The following PSMC5 variants were observed in gnomAD, a reference collection of about 807,000 sequenced individuals.
PSMC5 encodes the protein proteasome 26S subunit, ATPase 5.
PSMC5 carries 11 observed loss-of-function variants against 49.1 expected under a neutral mutation model. The ratio of observed to expected loss-of-function variants is 0.22; its 90% confidence interval spans 0.14 to 0.37. PSMC5 has a LOEUF of 0.37. Among genes scored for constraint, PSMC5 ranks in the 10% least tolerant of loss-of-function variants. The pLI is 1.00. For missense variants in PSMC5, 229 were observed against 520.9 expected (o/e 0.44, Z 5.45); for synonymous variants, 206 against 192.2 (o/e 1.07, Z -0.59).
chr17:63,830,100 G>C lies in PSMC5; in HGVS notation c.265-33G>C. On this transcript the variant is annotated intron_variant, in intron 4 of 11. Transcript: ENST00000310144. This position sits in a 1 kb window ranked among gnomAD's most constrained non-coding sequence, Gnocchi z 4.0. ...GGGTAGGATTAGTGATTTGGTGGCT[G>C]TCAAGGAAGGTCATGAGCCCTTGTT... 6.2e-7 allele frequency: 1 copy of C among 1,606,948 alleles called. No individual in the cohort carries two copies. The highest frequency in any genetic ancestry group is 8.5e-7 in the Non-Finnish European group (1 of 1,176,538).
At position 63,830,391 on chromosome 17, in the gene PSMC5, TATGAG is replaced by T; in HGVS notation, c.447_451del (p.Glu149AspfsTer20). 6.2e-7 allele frequency: 1 copy of T among 1,614,178 alleles called. No homozygotes were observed. Among genetic ancestry groups the T allele is most frequent in the Non-Finnish European group, 8.5e-7 (1 of 1,180,028 alleles). ...GGTGGAGAAAGTACCAGATTCAACT[TATGAG>T]ATGATTGGTGGACTGGACAAACAGA... On this transcript the variant is annotated frameshift_variant, in exon 6 of 12. Transcript: ENST00000310144. LOFTEE classifies it high-confidence loss of function. The surrounding 1 kb of genome is among the most constrained non-coding windows in gnomAD (Gnocchi z 4.0).
At chr17:63,829,347 T>A (rs1403571277) in intron 2 of PSMC5, 147 bp from the exon 3 acceptor site, 1 of 703,252 alleles carries the variant, frequency 1.4e-6, no homozygotes, top group Non-Finnish European at 2.5e-6. Flanking sequence ...GCAGGGTCAT[T>A]AGGATCATAC....
In PSMC5 at chr17:63,831,387, A is replaced by G. The variant is rs2040184016; in HGVS notation, c.931A>G (p.Ile311Val). 1 of 1,613,936 alleles carries G rather than the reference A, an allele frequency of 6.2e-7. No homozygotes were observed. The highest frequency in any genetic ancestry group is 8.5e-7 in the Non-Finnish European group (1 of 1,180,030). ...CTCGGCACTGCTTCGCCCAGGGCGCATTGACAGAAAAATTGAATTCCCACC... is the reference window on the plus strand; with the variant it reads ...CTCGGCACTGCTTCGCCCAGGGCGCGTTGACAGAAAAATTGAATTCCCACC... ...LDSALLRPGR[I>V]DRKIEFPPPN... Residue 311 changes from isoleucine to valine, a missense_variant, in exon 9 of 12, where the codon ATT becomes GTT. Around this residue, in one of 4 missense-constraint regions of PSMC5, gnomAD observed 121 missense variants for 330.6 expected, o/e 0.37. Transcript: ENST00000310144. The surrounding 1 kb of genome is among the most constrained non-coding windows in gnomAD (Gnocchi z 6.3).
At chr17:63,828,008 G>A in intron 1 of PSMC5, 130 bp from the exon 2 acceptor site, 2 of 1,307,604 alleles carry the variant, frequency 1.5e-6, no homozygotes, top group Non-Finnish European at 2.1e-6. Flanking sequence ...CAGATCCTGA[G>A]CCTCCGAAGT....
chr17:63,829,912 T>C lies in PSMC5; in HGVS notation c.227T>C (p.Val76Ala). 6.8e-6 allele frequency: 11 copies of C among 1,612,972 alleles called. No individual in the cohort carries two copies. The highest frequency in any genetic ancestry group is 9.3e-6 in the Non-Finnish European group (11 of 1,179,576). ...LQEQGSYVGE[V>A]VRAMDKKKVL... ...GAGCAGGGCTCCTATGTGGGGGAAGTAGTCCGGGCCATGGATAAGAAGAAA... is the reference window on the plus strand; with the variant it reads ...GAGCAGGGCTCCTATGTGGGGGAAGCAGTCCGGGCCATGGATAAGAAGAAA... Residue 76 changes from valine to alanine, a missense_variant, in exon 4 of 12, where the codon GTA becomes GCA. Physicochemically the swap from Val to Ala is moderately conservative, Grantham distance 64. This residue lies in a region of PSMC5 where 98 missense variants were observed against 144.0 expected (regional missense o/e 0.68). Coordinates refer to ENST00000310144, the MANE Select transcript of PSMC5 (RefSeq NM_002805.6).
rs1224334884 is a variant in PSMC5 at position 63,831,502 on chromosome 17, C to G, written c.970-4C>G. On this transcript the variant is annotated splice_polypyrimidine_tract_variant and splice_region_variant and intron_variant, in intron 9 of 11. Coordinates refer to ENST00000310144, the MANE Select transcript of PSMC5 (RefSeq NM_002805.6). The surrounding 1 kb of genome is among the most constrained non-coding windows in gnomAD (Gnocchi z 6.3). The stretch of plus-strand genomic sequence containing the variant: ...GGGCTCAGGCTTTTCCTTGCCATCT[C>G]CAGGCCCGGCTGGACATTTTGAAGA... 6.2e-7 allele frequency: 1 copy of G among 1,614,024 alleles called. No individual in the cohort carries two copies. Among genetic ancestry groups the G allele is most frequent in the East Asian group, 2.2e-5 (1 of 44,870 alleles).
chr17:63,828,996 T>C (rs1215795541), intron 2 of PSMC5: 1 of 154,130 alleles, frequency 6.5e-6, no homozygotes, highest in African/African-American at 2.4e-5. Context: ...GTTTACCATT[T>C]TTGAATGCTT....
intron 1 of PSMC5, chr17:63,827,756 G>C (rs2040127785): frequency 8.4e-6 from 12 of 1,432,896 alleles, no homozygotes; most frequent in Non-Finnish European, 9.1e-6. Flanking sequence ...ATGGGCGCGG[G>C]AATGGCCGGC....
rs1158148063 is a variant in PSMC5 at position 63,829,490 on chromosome 17, A to G, written c.97-4A>G. The stretch of plus-strand genomic sequence containing the variant: ...TAATGGAATTTGTCTCTTGTCTGCC[A>G]CAGCTGATTGTGAATGATAAGAGCC... On this transcript the variant is annotated splice_polypyrimidine_tract_variant and splice_region_variant and intron_variant, in intron 2 of 11. Coordinates refer to ENST00000310144, the MANE Select transcript of PSMC5 (RefSeq NM_002805.6). 1 of 1,546,932 alleles carries G rather than the reference A, an allele frequency of 6.5e-7. No homozygotes were observed. Among genetic ancestry groups the G allele is most frequent in the South Asian group, 1.2e-5 (1 of 84,000 alleles).
chr17:63,829,708 C>G lies in PSMC5; in HGVS notation c.167-144C>G, dbSNP rs987393150. 14 of 1,204,982 alleles carry G rather than the reference C, an allele frequency of 1.2e-5. 1 individual carries two copies. The South Asian group carries it at 1.9e-4, about 16-fold the overall frequency. The allele number at this position is 1,204,982 out of a possible 1,614,324, so 74.6% of individuals were successfully genotyped here. ...TTCACATGCATCTCTTTTTCCTGAG[C>G]CCTATTGTAGCCTCCTTAAATACAT... On this transcript the variant is annotated intron_variant, in intron 3 of 11. Transcript: ENST00000310144.
chr17:63,827,987 G>A (rs1467812493), intron 1 of PSMC5, 151 bp from the exon 2 acceptor site: 2 of 1,271,066 alleles, frequency 1.6e-6, no homozygotes, highest in Non-Finnish European at 2.2e-6. Flanking sequence ...AGGGAGGGAG[G>A]GATTAGAACC....
intron 1 of PSMC5, 30 bp from the exon 2 acceptor site, chr17:63,828,108 T>C (rs1293015275): frequency 6.2e-7 from 1 of 1,613,416 alleles, no homozygotes; most frequent in Non-Finnish European, 8.5e-7. Flanking sequence ...ATGTTTAACC[T>C]GTCGTTTAAG....
At position 63,827,524 on chromosome 17, in the gene PSMC5, G is replaced by C; in HGVS notation, c.24+10G>C. ...TGACGGACCAGAGCAGGTATGGCGG[G>C]TGCAGTGGCGGCCCGGCAGGTTACG... On this transcript the variant is annotated intron_variant, in intron 1 of 11. Transcript: ENST00000310144. 1 of 1,551,542 alleles carries C rather than the reference G, an allele frequency of 6.4e-7. No homozygotes were observed. The highest frequency in any genetic ancestry group is 8.7e-7 in the Non-Finnish European group (1 of 1,146,912).
rs1567757241 is a variant in PSMC5, at chr17:63,829,844, C to T, written c.167-8C>T. ...GCTAGGTGACCACTGTGTCTGTTTG[C>T]CATCTAGTTCGCCTATTGCGGGAGG... On this transcript the variant is annotated splice_polypyrimidine_tract_variant and splice_region_variant and intron_variant, in intron 3 of 11. Coordinates refer to ENST00000310144, the MANE Select transcript of PSMC5 (RefSeq NM_002805.6). 6.2e-7 allele frequency: 1 copy of T among 1,613,848 alleles called. No homozygotes were observed. Among genetic ancestry groups the T allele is most frequent in the Non-Finnish European group, 8.5e-7 (1 of 1,179,788 alleles).
chr17:63,827,850 G>GAGCA, intron 1 of PSMC5: 1 of 1,431,002 alleles, frequency 7.0e-7, no homozygotes, highest in South Asian at 1.5e-5. Flanking sequence ...CGGGCTTGTA[G>GAGCA]AGCACTTCAC....
rs2040157859 is a variant in PSMC5, at chr17:63,829,645, C to T, written c.166+82C>T. On this transcript the variant is annotated intron_variant, in intron 3 of 11. Coordinates refer to ENST00000310144, the MANE Select transcript of PSMC5 (RefSeq NM_002805.6). ...ATCTCCCTGCACTGTGTCTTCACAG[C>T]AGTGCTTACTGTTTTCTCCCTGTCA... is the stretch of plus-strand genomic sequence containing the variant. 3 of 1,398,248 alleles carry T rather than the reference C, an allele frequency of 2.1e-6. No individual in the cohort carries two copies. In the Admixed American group the frequency reaches 6.0e-5, roughly 28 times the overall value. The allele number at this position is 1,398,248 out of a possible 1,614,324, so 86.6% of individuals were successfully genotyped here.
At position 63,830,109 on chromosome 17, in the gene PSMC5, G is replaced by C. The variant is rs748758282; in HGVS notation, c.265-24G>C. 18 of 1,610,090 alleles carry C rather than the reference G, an allele frequency of 1.1e-5. No individual in the cohort carries two copies. Among genetic ancestry groups the C allele is most frequent in the Middle Eastern group, 1.7e-4 (1 of 5,738 alleles). On this transcript the variant is annotated intron_variant, in intron 4 of 11. Transcript: ENST00000310144. The surrounding 1 kb of genome is among the most constrained non-coding windows in gnomAD (Gnocchi z 4.0). Reference sequence around the variant, plus strand: ...TAGTGATTTGGTGGCTGTCAAGGAAGGTCATGAGCCCTTGTTTCTTTAGGT... The same window carrying C: ...TAGTGATTTGGTGGCTGTCAAGGAACGTCATGAGCCCTTGTTTCTTTAGGT...
At position 63,830,312 on chromosome 17, in the gene PSMC5, C is replaced by T. The variant is rs748289053; in HGVS notation, c.363C>T (p.Tyr121=). The T allele has an allele frequency of 2.5e-6, 4 of 1,614,182 alleles. No homozygotes were observed. The highest frequency in any genetic ancestry group is 3.3e-5 in the Admixed American group (2 of 60,018). ...NCRVALRNDS[Y]TLHKILPNKV... ...GGGTGGCTCTAAGGAATGACAGCTACACTCTGCACAAGATCCTGCCCAACA... is the reference window on the plus strand; with the variant it reads ...GGGTGGCTCTAAGGAATGACAGCTATACTCTGCACAAGATCCTGCCCAACA... Residue 121 remains tyrosine (Y), a synonymous_variant, in exon 6 of 12, where the codon TAC becomes TAT. Coordinates refer to ENST00000310144, the MANE Select transcript of PSMC5 (RefSeq NM_002805.6). This position sits in a 1 kb window ranked among gnomAD's most constrained non-coding sequence, Gnocchi z 4.0.
At chr17:63,827,703 G>A (rs1401499630) in intron 1 of PSMC5, 189 bp downstream of exon 1, 67 of 1,444,010 alleles carry the variant, frequency 4.6e-5, no homozygotes, top group Non-Finnish European at 5.8e-5. Context: ...GGGCAAGGCT[G>A]GGAGAGGAAG....
Sources: allele counts gnomAD v4.1 joint callset, GRCh38; gene constraint gnomAD v4.1.1; regional missense constraint gnomAD v4.1.1; non-coding constraint Gnocchi (gnomAD v3.1); transcripts MANE v1.5; gene names NCBI Gene and HGNC (gene_info 2026-07-23, HGNC 2026-07-21).